Variants in EMSY observed in about 807,000 individuals in gnomAD.
The protein encoded by EMSY is BRCA2-interacting transcriptional repressor EMSY.
Under a neutral mutation model 134.6 loss-of-function variants are expected in EMSY, and 26 were observed. The observed-to-expected ratio is 0.19, with a 90% confidence interval of 0.14 to 0.27. EMSY has a LOEUF of 0.27. EMSY is among the 10% of genes least tolerant of loss of function. The pLI is 1.00. For synonymous variants in EMSY, 579 were observed against 577.8 expected (o/e 1.00, Z -0.03); for missense variants, 1,305 against 1,611.4 (o/e 0.81, Z 3.26).
chr11:76,454,731 C>CT lies in EMSY; in HGVS notation c.245+1349dup. Reference sequence around the variant, plus strand: ...ATAACATTTATTTAGTCTCCTTTTCCTTTTTTCCCCTTTAAAGAATGAATT... The same window carrying CT: ...ATAACATTTATTTAGTCTCCTTTTCCTTTTTTTCCCCTTTAAAGAATGAATT... On this transcript the variant is annotated intron_variant, in intron 4 of 20. Transcript: ENST00000334736. 2 of 1,436,912 alleles carry CT rather than the reference C, an allele frequency of 1.4e-6. No homozygotes were observed. The highest frequency in any genetic ancestry group is 1.3e-5 in the South Asian group (1 of 78,918). 89.0% of individuals were successfully genotyped at this position (1,436,912 alleles called of 1,614,324 possible).
intron 8 of EMSY, among the ~76,000 whole-genome samples, chr11:76,481,982 A>T (rs575135269): frequency 1.2e-4 from 18 of 152,176 alleles, no homozygotes; most frequent in Admixed American, 1.2e-3. Context: ...GTTGATAGAC[A>T]CCTCATACAG....
chr11:76,522,133 A>G (rs761923303), intron 11 of EMSY, among the ~76,000 whole-genome samples: 4 of 152,158 alleles, frequency 2.6e-5, no homozygotes, highest in Non-Finnish European at 5.9e-5. Flanking sequence ...GGTAGATTTG[A>G]TAGGTAGAAG....
chr11:76,512,635 T>C (rs1480304799), intron 9 of EMSY, among the ~76,000 whole-genome samples: 1 of 151,724 alleles, frequency 6.6e-6, no homozygotes, highest in Non-Finnish European at 1.5e-5. Flanking sequence ...TTTTTTTTTT[T>C]CTAAATGGGA....
intron 7 of EMSY, among the ~76,000 whole-genome samples, chr11:76,468,378 A>G (rs908446338): frequency 6.6e-6 from 1 of 152,210 alleles, no homozygotes; most frequent in Non-Finnish European, 1.5e-5. Context: ...CATTCCACAA[A>G]TATTTATTGA....
exon 16 of EMSY, chr11:76,537,827 C>T: frequency 1.9e-6 from 3 of 1,609,408 alleles, no homozygotes; most frequent in Non-Finnish European, 2.5e-6. Context: ...ACCAAGACAA[C>T]CCACTATTGA....
At chr11:76,506,793 T>G (rs1379224471) in intron 9 of EMSY, among the ~76,000 whole-genome samples, 1 of 152,196 alleles carries the variant, frequency 6.6e-6, no homozygotes, top group African/African-American at 2.4e-5. Flanking sequence ...CCCGATAAGA[T>G]GAAAACTTGG....
intron 9 of EMSY, among the ~76,000 whole-genome samples, chr11:76,504,847 T>C (rs1950010678): frequency 6.6e-6 from 1 of 152,180 alleles, no homozygotes; most frequent in African/African-American, 2.4e-5. Flanking sequence ...TACTAACACA[T>C]GCTACAAGAT....
Position 76,526,667 on chromosome 11 carries a change from C to A in EMSY, c.1995+32C>A, listed in dbSNP as rs768426905. The A allele has an allele frequency of 6.0e-6, 9 of 1,504,806 alleles. No homozygotes were observed. The Admixed American group carries it at 1.9e-4, about 31-fold the overall frequency. The allele number at this position is 1,504,806 out of a possible 1,614,324, so 93.2% of individuals were successfully genotyped here. A position where few individuals can be genotyped will look rare whatever the true frequency, so the allele number is the denominator to read the frequency against. On this transcript the variant is annotated intron_variant, in intron 13 of 20. Transcript: ENST00000334736. The stretch of plus-strand genomic sequence containing the variant: ...TATAAGATATGATGATTTTTCTTGG[C>A]TCTTAAATATTTTCAATTCTTATAA...
intron 4 of EMSY, 24 bp from the exon 6 acceptor site, chr11:76,458,159 A>G: frequency 6.3e-7 from 1 of 1,579,290 alleles, no homozygotes; most frequent in South Asian, 1.2e-5. Flanking sequence ...AAACCCTTGT[A>G]GCAGCGCTTT....
chr11:76,542,410 T>A (rs1951472918), intron 18 of EMSY, 43 bp downstream of exon 19: 2 of 1,585,110 alleles, frequency 1.3e-6, no homozygotes, highest in Admixed American at 1.7e-5. Context: ...CAACTGCCCA[T>A]GCTTGAAATA....
rs554484380 is a variant in EMSY at position 76,475,482 on chromosome 11, C to T, written c.1108+2642C>T. Among the ~76,000 whole-genome samples, 4 of 152,280 alleles carry T rather than the reference C, an allele frequency of 2.6e-5. No individual in the cohort carries two copies. The East Asian group carries it at 7.7e-4, about 29-fold the overall frequency. On this transcript the variant is annotated intron_variant, in intron 8 of 20. Transcript: ENST00000334736. ...TTCTCCTTTGCTTCTTAGCATTCTACATCTCTTTGAGCCTTAAGTAATTAT... is the reference window on the plus strand; with the variant it reads ...TTCTCCTTTGCTTCTTAGCATTCTATATCTCTTTGAGCCTTAAGTAATTAT...
rs1950716886 is a variant in EMSY, at chr11:76,523,381, C to T, written c.1821+90C>T. ...TATTTGCACAAGGACTTGAGAAGCCCACAATAGCCAGAATGGCTTGGTTTA... is the reference window on the plus strand; with the variant it reads ...TATTTGCACAAGGACTTGAGAAGCCTACAATAGCCAGAATGGCTTGGTTTA... On this transcript the variant is annotated intron_variant, in intron 12 of 20. Transcript: ENST00000334736. 23 of 1,416,440 alleles carry T rather than the reference C, an allele frequency of 1.6e-5. 1 individual carries two copies. In the South Asian group the frequency reaches 3.3e-4, roughly 21 times the overall value. The allele number at this position is 1,416,440 out of a possible 1,614,324, so 87.7% of individuals were successfully genotyped here. A position where few individuals can be genotyped will look rare whatever the true frequency, so the allele number is the denominator to read the frequency against.
chr11:76,539,244 C>T (rs186769858), intron 16 of EMSY, among the ~76,000 whole-genome samples: 2 of 152,190 alleles, frequency 1.3e-5, no homozygotes, highest in Non-Finnish European at 2.9e-5. Flanking sequence ...AGAGAGATGA[C>T]TTATGAGGCA....
intron 9 of EMSY, among the ~76,000 whole-genome samples, chr11:76,499,301 T>C (rs908816986): frequency 2.8e-5 from 4 of 141,040 alleles, no homozygotes; most frequent in African/African-American, 1.1e-4. Flanking sequence ...TTTTTTTTTT[T>C]TTTTGAGATG....
intron 17 of EMSY, among the ~76,000 whole-genome samples, chr11:76,539,943 A>G (rs1204291112): frequency 6.6e-6 from 1 of 152,126 alleles, no homozygotes; most frequent in Non-Finnish European, 1.5e-5. Context: ...TTCCTCCACA[A>G]TCTCCACCCA....
At chr11:76,528,288 A>T in exon 14 of EMSY, 7 of 1,613,620 alleles carry the variant, frequency 4.3e-6, no homozygotes, top group Non-Finnish European at 5.9e-6. Flanking sequence ...AACCCAAACC[A>T]GTGACTTTTC....
At chr11:76,552,092 T>C (rs1392351950), downstream of EMSY, 1 of 152,216 alleles carries the variant, frequency 6.6e-6, no homozygotes, top group African/African-American at 2.4e-5. Context: ...ATTACAAATA[T>C]TAAGAAATTA....
At chr11:76,482,784 C>T (rs1371391043) in intron 8 of EMSY, among the ~76,000 whole-genome samples, 1 of 152,150 alleles carries the variant, frequency 6.6e-6, no homozygotes, top group Non-Finnish European at 1.5e-5. Flanking sequence ...GATTGGTTTA[C>T]CTGAAAGTGA....
At chr11:76,475,491 G>A (rs991733763) in intron 8 of EMSY, among the ~76,000 whole-genome samples, 1 of 152,028 alleles carries the variant, frequency 6.6e-6, no homozygotes, top group Non-Finnish European at 1.5e-5. Flanking sequence ...ACATCTCTTT[G>A]AGCCTTAAGT....
Sources: allele counts gnomAD v4.1 joint callset (sites outside exome capture counted in the v4.1 genomes callset), GRCh38; gene constraint gnomAD v4.1.1; transcripts MANE v1.5; gene names NCBI Gene and HGNC (gene_info 2026-07-23, HGNC 2026-07-21).